The following DGKD variants were observed in gnomAD, a reference collection of about 807,000 sequenced individuals.
The protein encoded by DGKD is DAG kinase delta.
A neutral mutation model predicts 154.4 loss-of-function variants in DGKD; 68 were observed. The observed-to-expected ratio is 0.44, with a 90% CI of 0.36 to 0.54. The LOEUF is 0.54. Ranked by LOEUF, DGKD falls within the 20% of genes least tolerant of loss-of-function variation. DGKD has a pLI of 0.00. For synonymous variants in DGKD, 693 were observed against 638.0 expected, an observed-to-expected ratio of 1.09 and a Z score of -1.30; for missense variants, 1,343 against 1,593.6, an observed-to-expected ratio of 0.84 and a Z score of 2.68.
At chr2:233,360,397 C>T (rs927504848) in intron 1 of DGKD, among the ~76,000 whole-genome samples, 4 of 152,112 alleles carry the variant, frequency 2.6e-5, no homozygotes, top group Non-Finnish European at 5.9e-5. Flanking sequence ...ACTCCAGATG[C>T]ATTCCATGAT....
At chr2:233,434,259 G>A in intron 3 of DGKD, 121 bp from the exon 4 acceptor site, 1 of 733,706 alleles carries the variant, frequency 1.4e-6, no homozygotes, top group Non-Finnish European at 2.3e-6. Flanking sequence ...TCGGTTCAGT[G>A]TGAATACCTG....
chr2:233,384,232 A>G (rs1353152687), intron 1 of DGKD, among the ~76,000 whole-genome samples: 2 of 152,034 alleles, frequency 1.3e-5, no homozygotes, highest in African/African-American at 2.4e-5. Context: ...TGCTTCCTTT[A>G]TCCTCAGCTC....
Position 233,468,488 on chromosome 2 carries a change from G to A in DGKD, c.3490G>A (p.Asp1164Asn), listed in dbSNP as rs905060616. 9.9e-6 allele frequency: 16 copies of A among 1,613,536 alleles called. No homozygotes were observed. In the Admixed American group the frequency reaches 2.3e-4, roughly 24 times the overall value. ...LEHLSLCEYK[D>N]IFTRHDIRGS... ...GCACCTCAGTCTCTGTGAGTATAAG[G>A]ACATCTTCACACGGCACGACATCCG... The change falls in exon 29 of 30, where the codon GAC becomes AAC. Residue 1164 changes from aspartate (D) to asparagine (N), a missense_variant. Around this residue, in one of 6 missense-constraint regions of DGKD, gnomAD observed 429 missense variants for 496.3 expected, o/e 0.86. Transcript: ENST00000264057.
chr2:233,381,287 T>C (rs1702893131), intron 1 of DGKD, among the ~76,000 whole-genome samples: 1 of 152,198 alleles, frequency 6.6e-6, no homozygotes, highest in East Asian at 1.9e-4. Context: ...AGACAGGTGG[T>C]GGGTAAGTTG....
intron 2 of DGKD, among the ~76,000 whole-genome samples, chr2:233,390,104 C>A (rs1227411979): frequency 6.6e-6 from 1 of 152,178 alleles, no homozygotes; most frequent in Admixed American, 6.5e-5. Context: ...TACAGAAATA[C>A]CAGCATTGGG....
In DGKD at chr2:233,412,531, A is replaced by T. The variant is rs149908112; in HGVS notation, c.349-21849A>T. On this transcript the variant is annotated intron_variant, in intron 3 of 29. Transcript: ENST00000264057. ...AGAAAGTTCTATATAAAGTTGTATC[A>T]TTTGCAAATAGGGACAGCTTTACTT... Among the ~76,000 whole-genome samples the T allele has an allele frequency of 6.3e-3, 964 of 152,298 alleles. 6 individuals carry two copies. The highest frequency in any genetic ancestry group is 0.017 in the Middle Eastern group (5 of 294).
At chr2:233,454,975 G>A in intron 19 of DGKD, 102 bp downstream of exon 19, 1 of 722,222 alleles carries the variant, frequency 1.4e-6, no homozygotes, top group South Asian at 1.7e-5. Context: ...AGAACGTGCA[G>A]AATGCTAAGG....
In DGKD at chr2:233,438,760, A is replaced by G. The variant is rs765834173; in HGVS notation, c.1085+381A>G. 0.15 allele frequency among the ~76,000 whole-genome samples: 3,639 copies of G among 24,278 alleles called. 64 individuals carry two copies. Among genetic ancestry groups the G allele is most frequent in the South Asian group, 0.22 (130 of 578 alleles). The allele number at this position is 24,278 out of a possible 152,430, so 15.9% of individuals were successfully genotyped here. A position where few individuals can be genotyped will look rare whatever the true frequency, so the allele number is the denominator to read the frequency against. On this transcript the variant is annotated intron_variant, in intron 9 of 29. Transcript: ENST00000264057. This position sits in a 1 kb window ranked among gnomAD's most constrained non-coding sequence, Gnocchi z 4.1. ...TTATTTATCTGTCTATCTATCATCT[A>G]TCTATCTATCTATCTATCTATCTAT...
intron 3 of DGKD, among the ~76,000 whole-genome samples, chr2:233,399,953 T>G (rs1404025654): frequency 2.6e-5 from 4 of 152,150 alleles, no homozygotes; most frequent in African/African-American, 9.7e-5. Context: ...GAGAATTAAA[T>G]ATTAATAACA....
chr2:233,420,052 A>T (rs954150444), intron 3 of DGKD, among the ~76,000 whole-genome samples: 1 of 152,134 alleles, frequency 6.6e-6, no homozygotes, highest in Admixed American at 6.5e-5. Context: ...TGAGAGACAA[A>T]TTAGGAACAG....
At chr2:233,431,194 C>T (rs779823150) in intron 3 of DGKD, among the ~76,000 whole-genome samples, 2 of 152,150 alleles carry the variant, frequency 1.3e-5, no homozygotes, top group Non-Finnish European at 2.9e-5. Context: ...AGTGCACAAT[C>T]TGCAAAAGAA....
In DGKD at chr2:233,471,134, C is replaced by T. The variant is rs533366942; in HGVS notation, c.*1674C>T. On this transcript the variant is annotated 3_prime_UTR_variant, in exon 30 of 30. Coordinates refer to ENST00000264057, the MANE Select transcript of DGKD (RefSeq NM_152879.3). Reference sequence around the variant, plus strand: ...CTCCCCTCTCGTGGTCGTTCTGGCCCGAGGCCCTTAGAGTATGGAGGCTGA... The same window carrying T: ...CTCCCCTCTCGTGGTCGTTCTGGCCTGAGGCCCTTAGAGTATGGAGGCTGA... 12 of 152,338 alleles carry T rather than the reference C, an allele frequency of 7.9e-5. No homozygotes were observed. Among genetic ancestry groups the T allele is most frequent in the Non-Finnish European group, 1.3e-4 (9 of 68,082 alleles). The allele number at this position is 152,338 out of a possible 1,614,324, so 9.4% of individuals were successfully genotyped here.
At chr2:233,376,038 G>A (rs113757025) in intron 1 of DGKD, among the ~76,000 whole-genome samples, 103 of 152,260 alleles carry the variant, frequency 6.8e-4, no homozygotes, top group African/African-American at 2.2e-3. Flanking sequence ...ATAGGGAGAT[G>A]GATTTTGTTC....
Position 233,457,548 on chromosome 2 carries a change from T to C in DGKD, c.2580+220T>C, listed in dbSNP as rs2063499474. The C allele has an allele frequency of 1.5e-6, 1 of 657,208 alleles. No homozygotes were observed. The highest frequency in any genetic ancestry group is 3.0e-5 in the East Asian group (1 of 33,240). 40.7% of individuals were successfully genotyped at this position (657,208 alleles called of 1,614,324 possible). The stretch of plus-strand genomic sequence containing the variant: ...AGTGAAGGTGGTCAGTGAGGGTCTG[T>C]GGTCAGCAGATGTGGTCAGCGGGTG... On this transcript the variant is annotated intron_variant, in intron 21 of 29. Transcript: ENST00000264057. The surrounding 1 kb of genome is among the most constrained non-coding windows in gnomAD (Gnocchi z 5.5).
At position 233,469,392 on chromosome 2, in the gene DGKD, G is replaced by A; in HGVS notation, c.3577G>A (p.Gly1193Ser). ...GCAGGACCTGGGCGTGACCAAGGTG[G>A]GCCACATGAAGAGGATCCTGTGTGG... ...DLKDLGVTKV[G>S]HMKRILCGIK... is the part of the protein sequence containing the mutation. The change falls in exon 30 of 30, where the codon GGC becomes AGC. Residue 1193 changes from glycine (G) to serine (S), a missense_variant. By Grantham distance (56) the Gly-to-Ser change is moderately conservative (BLOSUM62 0). This residue lies in a region of DGKD where 429 missense variants were observed against 496.3 expected (regional missense o/e 0.86). Coordinates refer to ENST00000264057, the MANE Select transcript of DGKD (RefSeq NM_152879.3). The A allele has an allele frequency of 6.2e-7, 1 of 1,612,278 alleles. No homozygotes were observed. Among genetic ancestry groups the A allele is most frequent in the Non-Finnish European group, 8.5e-7 (1 of 1,179,388 alleles).
chr2:233,405,518 A>T (rs372991821), intron 3 of DGKD, among the ~76,000 whole-genome samples: 2 of 141,452 alleles, frequency 1.4e-5, no homozygotes, highest in African/African-American at 5.2e-5. Context: ...AACTCTGTCT[A>T]AAAAAAAAAA....
intron 3 of DGKD, among the ~76,000 whole-genome samples, chr2:233,396,498 G>A (rs948584113): frequency 9.2e-5 from 14 of 152,204 alleles, no homozygotes; most frequent in Admixed American, 3.9e-4. Flanking sequence ...TTATATTCTC[G>A]TGGGAGATCA....
At position 233,448,645 on chromosome 2, in the gene DGKD, C is replaced by G. The variant is rs577261512; in HGVS notation, c.1614+270C>G. On this transcript the variant is annotated intron_variant, in intron 14 of 29. Transcript: ENST00000264057. ...AGAATCTTCTTGGGTCCAAATACCC[C>G]CTAGAAGTATCCCATTGGCCACTTC... Among the ~76,000 whole-genome samples the G allele has an allele frequency of 1.8e-4, 28 of 152,328 alleles. No individual in the cohort carries two copies. The South Asian group carries it at 4.1e-3, about 23-fold the overall frequency.
chr2:233,397,021 G>T (rs1198503866), intron 3 of DGKD, among the ~76,000 whole-genome samples: 1 of 46,590 alleles, frequency 2.1e-5, no homozygotes, highest in Non-Finnish European at 4.5e-5. Flanking sequence ...GTGGCTGGGG[G>T]GGGGGGCGCC....
Sources: allele counts gnomAD v4.1 joint callset (sites outside exome capture counted in the v4.1 genomes callset), GRCh38; gene constraint gnomAD v4.1.1; regional missense constraint gnomAD v4.1.1; non-coding constraint Gnocchi (gnomAD v3.1); transcripts MANE v1.5; gene names NCBI Gene and HGNC (gene_info 2026-07-23, HGNC 2026-07-21).